Variants in FTO observed in about 807,000 individuals in gnomAD.
FTO encodes the protein FTO alpha-ketoglutarate dependent dioxygenase, also known as alpha-ketoglutarate-dependent dioxygenase FTO.
A neutral mutation model predicts 63.9 loss-of-function variants in FTO; 47 were observed. The observed-to-expected ratio is 0.74, with a 90% CI of 0.58 to 0.94. The LOEUF (loss-of-function observed/expected upper bound fraction) is 0.94, where lower values mean the gene tolerates loss of function less well. Among genes scored for constraint, FTO ranks in the 40% least tolerant of loss-of-function variants. The probability of loss-of-function intolerance (pLI) is 0.00; values close to 1 mark genes in which losing one functional copy is unlikely to be tolerated. For missense variants in FTO, 562 were observed against 618.1 expected (o/e 0.91, Z 0.96); for synonymous variants, 207 against 224.4 (o/e 0.92, Z 0.69).
chr16:53,845,793 G>A (rs2079601584), intron 4 of FTO, among the ~76,000 whole-genome samples: 1 of 152,218 alleles, frequency 6.6e-6, no homozygotes, highest in Non-Finnish European at 1.5e-5. Flanking sequence ...ACCAGTCTGA[G>A]ACTTTCTCCT....
intron 8 of FTO, among the ~76,000 whole-genome samples, chr16:54,005,948 C>A (rs1236342433): frequency 6.6e-6 from 1 of 152,088 alleles, no homozygotes; most frequent in Non-Finnish European, 1.5e-5. Context: ...GTATCTAGGA[C>A]TCTTATGAAC....
At chr16:53,927,566 C>T (rs1481993431) in intron 7 of FTO, among the ~76,000 whole-genome samples, 2 of 152,044 alleles carry the variant, frequency 1.3e-5, no homozygotes, top group Admixed American at 6.5e-5. Flanking sequence ...ATTGGAAGGG[C>T]AGATCACCCA....
At chr16:54,072,338 C>T (rs1417068369) in intron 8 of FTO, 1 of 152,192 alleles carries the variant, frequency 6.6e-6, no homozygotes, top group Non-Finnish European at 1.5e-5. Context: ...GCAACAGCCT[C>T]AGCCGTCTGT....
intron 8 of FTO, among the ~76,000 whole-genome samples, chr16:54,041,277 G>A (rs1204996684): frequency 1.3e-5 from 2 of 152,080 alleles, no homozygotes; most frequent in Non-Finnish European, 2.9e-5. Flanking sequence ...AGGGAGCACA[G>A]GGGGAAACCA....
intron 1 of FTO, among the ~76,000 whole-genome samples, chr16:53,718,161 C>G (rs567777471): frequency 4.6e-5 from 7 of 152,052 alleles, no homozygotes; most frequent in African/African-American, 1.7e-4. Context: ...AATTATCTGT[C>G]TCTACATTTA....
At chr16:53,987,143 A>G (rs548089714) in intron 8 of FTO, among the ~76,000 whole-genome samples, 1 of 152,168 alleles carries the variant, frequency 6.6e-6, no homozygotes, top group Non-Finnish European at 1.5e-5. Flanking sequence ...AAAAAAAAGG[A>G]TATACAGAGC....
At chr16:54,021,731 G>A (rs923759273) in intron 8 of FTO, among the ~76,000 whole-genome samples, 2 of 152,070 alleles carry the variant, frequency 1.3e-5, no homozygotes, top group African/African-American at 4.8e-5. Flanking sequence ...CTCATGATCC[G>A]CCTGCCTTGG....
At position 53,991,286 on chromosome 16, in the gene FTO, G is replaced by A. The variant is rs532856463; in HGVS notation, c.1364+57177G>A. ...TGGTGCTTGGGAAAACAACACCCAA[G>A]CCTCGTGATTAATAAGCACTGTTAA... is the stretch of plus-strand genomic sequence containing the variant. On this transcript the variant is annotated intron_variant, in intron 8 of 8. Transcript: ENST00000471389. The A allele has an allele frequency of 1.2e-4, 18 of 152,296 alleles. 1 individual carries two copies. The South Asian group carries it at 3.5e-3, about 30-fold the overall frequency. 9.4% of individuals were successfully genotyped at this position (152,296 alleles called of 1,614,324 possible).
intron 3 of FTO, among the ~76,000 whole-genome samples, chr16:53,831,495 T>A (rs2079145843): frequency 6.6e-6 from 1 of 152,222 alleles, no homozygotes; most frequent in African/African-American, 2.4e-5. Flanking sequence ...AAGTTACATT[T>A]TTTTCATGCC....
intron 1 of FTO, among the ~76,000 whole-genome samples, chr16:53,787,443 A>G (rs1598656457): frequency 6.6e-6 from 1 of 151,870 alleles, no homozygotes; most frequent in African/African-American, 2.4e-5. Context: ...CATTTTACAG[A>G]TCAGGATACT....
At position 53,781,794 on chromosome 16, in the gene FTO, CTGTTTGTT is replaced by C. The variant is rs113454766; in HGVS notation, c.46-28328_46-28321del. On this transcript the variant is annotated intron_variant, in intron 1 of 8. Transcript: ENST00000471389. The stretch of plus-strand genomic sequence containing the variant: ...CACTGATGCATTCTTTTTAACAGCC[CTGTTTGTT>C]TGTTTGTTTGTTTGTTTATAAGTGA... Among the ~76,000 whole-genome samples the C allele has an allele frequency of 7.9e-5, 12 of 151,704 alleles. No individual in the cohort carries two copies. In the East Asian group the frequency reaches 1.6e-3, roughly 20 times the overall value.
intron 8 of FTO, among the ~76,000 whole-genome samples, chr16:54,029,986 A>G (rs1043753085): frequency 2.0e-5 from 3 of 152,152 alleles, no homozygotes; most frequent in African/African-American, 4.8e-5. Flanking sequence ...ATATAATTCA[A>G]CTCAACACTT....
intron 8 of FTO, among the ~76,000 whole-genome samples, chr16:54,051,585 C>T (rs1385684207): frequency 6.6e-6 from 1 of 152,176 alleles, no homozygotes; most frequent in Non-Finnish European, 1.5e-5. Flanking sequence ...GTATTTTCCT[C>T]CCCCCTCAGT....
At chr16:53,914,260 CT>C (rs57500134) in intron 7 of FTO, among the ~76,000 whole-genome samples, 91 of 144,226 alleles carry the variant, frequency 6.3e-4, no homozygotes, top group Admixed American at 8.3e-4. Context: ...TTTCTTTTTT[CT>C]TTTTTTTTTT....
rs2144646238 is a variant in FTO at position 54,116,033 on chromosome 16, T to C, written c.*4118T>C. ...CAGGCTCCAGCCCCACAGAGCTTTC[T>C]AGACATAAAAGAGCAGGGTCATGGC... is the stretch of plus-strand genomic sequence containing the variant. On this transcript the variant is annotated 3_prime_UTR_variant, in exon 9 of 9. Transcript: ENST00000471389. 1 of 152,320 alleles carries C rather than the reference T, an allele frequency of 6.6e-6. No individual in the cohort carries two copies. Among genetic ancestry groups the C allele is most frequent in the East Asian group, 1.9e-4 (1 of 5,158 alleles). 9.4% of individuals were successfully genotyped at this position (152,320 alleles called of 1,614,324 possible).
At chr16:53,743,697 T>C (rs1321140780) in intron 1 of FTO, among the ~76,000 whole-genome samples, 1 of 151,622 alleles carries the variant, frequency 6.6e-6, no homozygotes, top group Non-Finnish European at 1.5e-5. Context: ...GCACTATTAA[T>C]ATTAATTTCC....
Position 54,116,113 on chromosome 16 carries a change from T to A in FTO, c.*4198T>A, listed in dbSNP as rs2144646306. On this transcript the variant is annotated 3_prime_UTR_variant, in exon 9 of 9. Transcript: ENST00000471389. ...CTTCAAAACCCATCACTCCACTGAA[T>A]CCAGGGATGCCAGAATTGAGAGTCC... is the stretch of plus-strand genomic sequence containing the variant. 6.6e-6 allele frequency: 1 copy of A among 152,318 alleles called. No individual in the cohort carries two copies. Among genetic ancestry groups the A allele is most frequent in the East Asian group, 1.9e-4 (1 of 5,182 alleles). 9.4% of individuals were successfully genotyped at this position (152,318 alleles called of 1,614,324 possible). A position where few individuals can be genotyped will look rare whatever the true frequency, so the allele number is the denominator to read the frequency against.
At chr16:53,910,311 T>C (rs1331811706) in intron 7 of FTO, among the ~76,000 whole-genome samples, 1 of 152,076 alleles carries the variant, frequency 6.6e-6, no homozygotes, top group Non-Finnish European at 1.5e-5. Context: ...AATTTGGCCT[T>C]TGTTCTGGAG....
chr16:53,836,031 C>T (rs913203262), intron 3 of FTO, among the ~76,000 whole-genome samples: 5 of 152,122 alleles, frequency 3.3e-5, no homozygotes, highest in Admixed American at 1.3e-4. Flanking sequence ...GCTGGGATTA[C>T]AGGCGCGGGC....
Sources: gnomAD v4.1 joint callset for allele counts (sites outside exome capture counted in the v4.1 genomes callset) on GRCh38, gnomAD v4.1.1 for gene constraint, MANE v1.5 for transcripts, NCBI Gene and HGNC (gene_info 2026-07-23, HGNC 2026-07-21) for gene names.